The following TM7SF3 variants were observed in gnomAD, a reference collection of about 807,000 sequenced individuals.
TM7SF3 encodes the protein seven span transmembrane protein.
In TM7SF3, 60 loss-of-function variants were observed where a neutral mutation model predicts 65.5. The observed-to-expected ratio is 0.92, with a 90% confidence interval of 0.74 to 1.14. The LOEUF (loss-of-function observed/expected upper bound fraction) is 1.14, where lower values mean the gene tolerates loss of function less well. Ranked by LOEUF, TM7SF3 falls within the 50% of genes most tolerant of loss-of-function variation. The pLI, the probability that TM7SF3 is intolerant of heterozygous loss-of-function variation, is 0.00. For missense variants in TM7SF3, 623 were observed against 684.8 expected, an observed-to-expected ratio of 0.91 and a Z score of 1.01; for synonymous variants, 264 against 259.6, an observed-to-expected ratio of 1.02 and a Z score of -0.16.
chr12:26,996,507 T>C (rs1030808013), intron 4 of TM7SF3, among the ~76,000 whole-genome samples: 1 of 152,230 alleles, frequency 6.6e-6, no homozygotes, highest in Non-Finnish European at 1.5e-5. Context: ...AAGCTCATAA[T>C]AGACTCACAT....
At chr12:26,979,599 C>A (rs1939720430) in intron 9 of TM7SF3, 185 bp downstream of exon 9, 1 of 614,244 alleles carries the variant, frequency 1.6e-6, no homozygotes, top group Non-Finnish European at 2.9e-6. Flanking sequence ...ATCTACTGTG[C>A]CTTTGAGGAA....
Position 27,014,245 on chromosome 12 carries a change from G to A in TM7SF3, c.-77C>T, listed in dbSNP as rs944892805. ...GTGCGCGCCGGGGCCCCGCAGCCTCGCCCACGCTATCCCGGGGCGCCCGCA... is the reference window on the plus strand; with the variant it reads ...GTGCGCGCCGGGGCCCCGCAGCCTCACCCACGCTATCCCGGGGCGCCCGCA... On this transcript the variant is annotated 5_prime_UTR_variant, in exon 1 of 12. Coordinates refer to ENST00000343028, the MANE Select transcript of TM7SF3 (RefSeq NM_016551.3). The A allele has an allele frequency of 1.4e-6, 2 of 1,410,788 alleles. No individual in the cohort carries two copies. The highest frequency in any genetic ancestry group is 9.5e-7 in the Non-Finnish European group (1 of 1,047,678). The allele number at this position is 1,410,788 out of a possible 1,614,324, so 87.4% of individuals were successfully genotyped here.
At chr12:26,995,564 G>C (rs1312398881) in intron 4 of TM7SF3, among the ~76,000 whole-genome samples, 156 bp from the exon 5 acceptor site, 1 of 152,200 alleles carries the variant, frequency 6.6e-6, no homozygotes, top group East Asian at 1.9e-4. Context: ...CTGAAGAAAA[G>C]TAATGCACTG....
At chr12:27,012,700 C>G (rs527698928) in intron 1 of TM7SF3, 11 of 455,868 alleles carry the variant, frequency 2.4e-5, no homozygotes, top group Non-Finnish European at 4.9e-5. Context: ...CTGAGATGAA[C>G]AAGAATTACC....
intron 2 of TM7SF3, among the ~76,000 whole-genome samples, chr12:27,002,101 T>C (rs1217014192): frequency 6.6e-6 from 1 of 151,876 alleles, no homozygotes; most frequent in Non-Finnish European, 1.5e-5. Flanking sequence ...ACCTCTATGG[T>C]AGGGGAAAGA....
chr12:26,975,479 G>A lies in TM7SF3; in HGVS notation c.1450+17C>T. 1 of 1,613,460 alleles carries A rather than the reference G, an allele frequency of 6.2e-7. No individual in the cohort carries two copies. The highest frequency in any genetic ancestry group is 8.5e-7 in the Non-Finnish European group (1 of 1,179,628). On this transcript the variant is annotated intron_variant, in intron 11 of 11. Coordinates refer to ENST00000343028, the MANE Select transcript of TM7SF3 (RefSeq NM_016551.3). Reference sequence around the variant, plus strand: ...CTACTGTGCTGTCACACTGGTTTTTGGATTTAAGAGTCTTACCATTAGTTT... The same window carrying A: ...CTACTGTGCTGTCACACTGGTTTTTAGATTTAAGAGTCTTACCATTAGTTT...
At chr12:26,985,391 C>T (rs1026901066) in intron 6 of TM7SF3, among the ~76,000 whole-genome samples, 8 of 151,210 alleles carry the variant, frequency 5.3e-5, no homozygotes, top group South Asian at 2.1e-4. Context: ...TTTGGGAGGC[C>T]GAGGCGGGCA....
rs1555215863 is a variant in TM7SF3 at position 26,984,452 on chromosome 12, A to AAC, written c.869-1594_869-1593insGT. Among the ~76,000 whole-genome samples, 133 of 146,424 alleles carry AAC rather than the reference A, an allele frequency of 9.1e-4. 1 individual carries two copies. The East Asian group carries it at 9.7e-3, about 11-fold the overall frequency. ...CTCAAAAACAAAAAACGAAAAACAAAAAAAAAAAACCCAGAAAGATTAAAC... is the reference window on the plus strand; with the variant it reads ...CTCAAAAACAAAAAACGAAAAACAAAACAAAAAAAAACCCAGAAAGATTAAAC... On this transcript the variant is annotated intron_variant, in intron 6 of 11. Coordinates refer to ENST00000343028, the MANE Select transcript of TM7SF3 (RefSeq NM_016551.3).
chr12:27,011,362 C>T (rs1488258586), intron 1 of TM7SF3, among the ~76,000 whole-genome samples: 2 of 152,198 alleles, frequency 1.3e-5, no homozygotes, highest in African/African-American at 4.8e-5. Context: ...ATGTTAAAGG[C>T]AGCAGTGAAC....
intron 6 of TM7SF3, among the ~76,000 whole-genome samples, chr12:26,985,621 CAAAAAAAAAAAAAAAAAAA>C (rs544145636): frequency 1.5e-4 from 9 of 61,058 alleles, no homozygotes; most frequent in Admixed American, 2.8e-4. Context: ...GTGAGACTGT[CAAAAAAAAAAAAAAAAAAA>C]AAAAAAAAAA....
intron 6 of TM7SF3, among the ~76,000 whole-genome samples, chr12:26,985,283 G>C (rs1006932835): frequency 6.6e-6 from 1 of 152,016 alleles, no homozygotes; most frequent in African/African-American, 2.4e-5. Context: ...GATCACTTGA[G>C]GCCAGGAGTT....
intron 11 of TM7SF3, 87 bp downstream of exon 11, chr12:26,975,403 CTTTAAA>C: frequency 7.4e-7 from 1 of 1,351,886 alleles, no homozygotes; most frequent in East Asian, 2.3e-5. Flanking sequence ...AGTTGACTTT[CTTTAAA>C]TTTAGTTTCC....
intron 1 of TM7SF3, 127 bp downstream of exon 1, chr12:27,013,951 C>T (rs1236326969): frequency 7.5e-6 from 6 of 803,508 alleles, no homozygotes; most frequent in Non-Finnish European, 1.1e-5. Flanking sequence ...CTGGACTCAC[C>T]ACCCAGCGTG....
chr12:26,983,476 C>A, intron 6 of TM7SF3: 2 of 423,460 alleles, frequency 4.7e-6, no homozygotes, highest in Non-Finnish European at 4.8e-6. Context: ...AAGTGCTTAT[C>A]TTTAAGGTAT....
Position 26,982,842 on chromosome 12 carries a change from C to G in TM7SF3, c.886G>C (p.Val296Leu). The G allele has an allele frequency of 1.9e-6, 3 of 1,604,000 alleles. No individual in the cohort carries two copies. The highest frequency in any genetic ancestry group is 2.5e-6 in the Non-Finnish European group (3 of 1,176,974). ...CASLGRVSSK[V>L]FFTLFALLGF... ...AGCAGGGCAAAAAGAGTGAAGAACA[C>G]TTTGGAAGACACTCTTCCTAAAAAA... Residue 296 changes from valine (V) to leucine (L), a missense_variant, in exon 7 of 12, where the codon GTG becomes CTG. Physicochemically the swap from Val to Leu is conservative, Grantham distance 32. Coordinates refer to ENST00000343028, the MANE Select transcript of TM7SF3 (RefSeq NM_016551.3).
intron 2 of TM7SF3, among the ~76,000 whole-genome samples, chr12:27,001,950 T>C (rs961972564): frequency 2.0e-5 from 3 of 152,198 alleles, no homozygotes; most frequent in Non-Finnish European, 4.4e-5. Context: ...CATCGGTATC[T>C]CTTGTAATTA....
At chr12:26,982,621 T>C in intron 7 of TM7SF3, 152 bp downstream of exon 7, 2 of 520,396 alleles carry the variant, frequency 3.8e-6, no homozygotes, top group Admixed American at 3.8e-5. Flanking sequence ...TAAAAATGCA[T>C]TGCAACTCAG....
intron 6 of TM7SF3, among the ~76,000 whole-genome samples, chr12:26,990,103 G>A (rs756452136): frequency 6.6e-5 from 10 of 152,132 alleles, no homozygotes; most frequent in Non-Finnish European, 1.3e-4. Flanking sequence ...AGGTACGTGC[G>A]TGGTGCATCA....
chr12:26,977,851 C>A, intron 9 of TM7SF3: 1 of 272,826 alleles, frequency 3.7e-6, no homozygotes, highest in Non-Finnish European at 7.3e-6. Flanking sequence ...GCCTGTAATC[C>A]CAACACTTTG....
Sources: allele counts gnomAD v4.1 joint callset (sites outside exome capture counted in the v4.1 genomes callset), GRCh38; gene constraint gnomAD v4.1.1; transcripts MANE v1.5; gene names NCBI Gene and HGNC (gene_info 2026-07-23, HGNC 2026-07-21).